CELSR1: variants seen among roughly 807,000 people sequenced by gnomAD.
The protein encoded by CELSR1 is adhesion G protein-coupled receptor C1.
A neutral mutation model predicts 249.1 loss-of-function variants in CELSR1; 110 were observed. The ratio of observed to expected loss-of-function variants is 0.44; its 90% confidence interval spans 0.38 to 0.52. The LOEUF is 0.52. CELSR1 is among the 20% of genes least tolerant of loss of function. The pLI is 0.00. For synonymous variants in CELSR1, 2,113 were observed against 1,900.0 expected, an observed-to-expected ratio of 1.11 and a Z score of -2.92; for missense variants, 4,109 against 4,296.4, an observed-to-expected ratio of 0.96 and a Z score of 1.22.
intron 1 of CELSR1, among the ~76,000 whole-genome samples, chr22:46,497,668 T>A (rs2080426114): frequency 6.6e-6 from 1 of 152,184 alleles, no homozygotes; most frequent in African/African-American, 2.4e-5. Flanking sequence ...CTACAAAGAC[T>A]TTTTTTCCAA....
At chr22:46,438,768 G>T (rs1308632766) in intron 3 of CELSR1, among the ~76,000 whole-genome samples, 5 of 151,770 alleles carry the variant, frequency 3.3e-5, no homozygotes, top group African/African-American at 4.8e-5. Flanking sequence ...AGCTTTTGTG[G>T]TTTTTTTTGA....
chr22:46,423,931 G>A lies in CELSR1; in HGVS notation c.4611+9462C>T, dbSNP rs532943150. 6.6e-5 allele frequency among the ~76,000 whole-genome samples: 10 copies of A among 152,070 alleles called. No individual in the cohort carries two copies. Among genetic ancestry groups the A allele is most frequent in the Non-Finnish European group, 1.2e-4 (8 of 68,022 alleles). ...GCGGAGGTTGCAGTGAGCCGAGATT[G>A]TGCCAGCCTGGGTGACAGAGTGAGA... On this transcript the variant is annotated intron_variant, in intron 5 of 34. Transcript: ENST00000674500. This position sits in a 1 kb window ranked among gnomAD's most constrained non-coding sequence, Gnocchi z 5.6.
At chr22:46,424,229 G>C (rs1343915698) in intron 5 of CELSR1, among the ~76,000 whole-genome samples, 1 of 95,326 alleles carries the variant, frequency 1.0e-5, no homozygotes, top group African/African-American at 3.0e-5. Flanking sequence ...CCACACACCC[G>C]GCTAATTTTT....
intron 19 of CELSR1, among the ~76,000 whole-genome samples, chr22:46,385,089 G>A (rs9615356): frequency 0.075 from 11,347 of 151,898 alleles, 470 homozygotes; most frequent in Non-Finnish European, 0.092. Flanking sequence ...ACCACGCCCA[G>A]CCTATTTACT....
intron 5 of CELSR1, among the ~76,000 whole-genome samples, chr22:46,422,963 ACGTCTGGCCTCTGCAATGCCACCT>A (rs2079494957): frequency 6.6e-6 from 1 of 152,194 alleles, no homozygotes; most frequent in African/African-American, 2.4e-5. Context: ...CCTGCACTGT[ACGTCTGGCCTCTGCAATGCCACCT>A]CCTGGCTCTT....
Position 46,409,660 on chromosome 22 carries a change from G to A in CELSR1, c.5059+95C>T. The A allele has an allele frequency of 2.0e-6, 3 of 1,475,328 alleles. No homozygotes were observed. The highest frequency in any genetic ancestry group is 2.8e-6 in the Non-Finnish European group (3 of 1,072,568). 91.4% of individuals were successfully genotyped at this position (1,475,328 alleles called of 1,614,324 possible). Reference sequence around the variant, plus strand: ...ATACCACCAGAGGCTGCCGGACCTGGATGTGAAGCCCCCTCACGGTGGTCC... The same window carrying A: ...ATACCACCAGAGGCTGCCGGACCTGAATGTGAAGCCCCCTCACGGTGGTCC... On this transcript the variant is annotated intron_variant, in intron 8 of 34. Transcript: ENST00000674500. The surrounding 1 kb of genome is among the most constrained non-coding windows in gnomAD (Gnocchi z 9.8).
chr22:46,386,927 T>C (rs557870776), intron 18 of CELSR1, among the ~76,000 whole-genome samples: 7 of 152,104 alleles, frequency 4.6e-5, no homozygotes, highest in Non-Finnish European at 5.9e-5. Context: ...CCGGCTAATT[T>C]TTGTATTTTT....
intron 25 of CELSR1, among the ~76,000 whole-genome samples, chr22:46,372,176 T>TC (rs2078859671): frequency 7.9e-6 from 1 of 126,412 alleles, no homozygotes; most frequent in African/African-American, 3.1e-5. Flanking sequence ...CACTCACCCC[T>TC]CACCCATCCA....
rs184502960 is a variant in CELSR1 at position 46,411,028 on chromosome 22, G to T, written c.4770-467C>A. 1.6e-4 allele frequency among the ~76,000 whole-genome samples: 25 copies of T among 152,162 alleles called. No homozygotes were observed. The highest frequency in any genetic ancestry group is 6.0e-4 in the African/African-American group (25 of 41,524). ...CGAGACCATCCTGGCCAACAGGATG[G>T]TGTCTACTAAAAATACAAAAATTAG... On this transcript the variant is annotated intron_variant, in intron 6 of 34. Transcript: ENST00000674500. The surrounding 1 kb of genome is among the most constrained non-coding windows in gnomAD (Gnocchi z 4.2).
rs1031460024 is a variant in CELSR1, at chr22:46,395,672, C to G, written c.5843+933G>C. 2.0e-5 allele frequency among the ~76,000 whole-genome samples: 3 copies of G among 152,170 alleles called. No individual in the cohort carries two copies. The highest frequency in any genetic ancestry group is 7.2e-5 in the African/African-American group (3 of 41,444). On this transcript the variant is annotated intron_variant, in intron 13 of 34. Transcript: ENST00000674500. The surrounding 1 kb of genome is among the most constrained non-coding windows in gnomAD (Gnocchi z 5.5). ...GGGATCACAGCACCTGCTCTAGGCT[C>G]GGGAGGACAAAGAACGGAGCATAGC...
In CELSR1 at chr22:46,391,496, T is replaced by C. The variant is rs183546190; in HGVS notation, c.6148+137A>G. 634 of 1,115,148 alleles carry C rather than the reference T, an allele frequency of 5.7e-4. No homozygotes were observed. Among genetic ancestry groups the C allele is most frequent in the Non-Finnish European group, 6.5e-4 (521 of 807,040 alleles). 69.1% of individuals were successfully genotyped at this position (1,115,148 alleles called of 1,614,324 possible). ...ACCCCCTCACGCAGAACCAGGTTTC[T>C]AGAAGGTCAAGAGAACTCAGAACAC... On this transcript the variant is annotated intron_variant, in intron 15 of 34. Transcript: ENST00000674500. This position sits in a 1 kb window ranked among gnomAD's most constrained non-coding sequence, Gnocchi z 4.3.
At chr22:46,405,610 CTGAGAG>C (rs2079257791) in intron 9 of CELSR1, among the ~76,000 whole-genome samples, 1 of 152,130 alleles carries the variant, frequency 6.6e-6, no homozygotes, top group South Asian at 2.1e-4. Flanking sequence ...TGGGAGGTAA[CTGAGAG>C]TGTGTCCCCA....
At position 46,362,896 on chromosome 22, in the gene CELSR1, G is replaced by A. The variant is rs2078721290; in HGVS notation, c.*327C>T. On this transcript the variant is annotated 3_prime_UTR_variant, in exon 35 of 35. Coordinates refer to ENST00000674500, the MANE Select transcript of CELSR1 (RefSeq NM_001378328.1). The stretch of plus-strand genomic sequence containing the variant: ...GGCCAGCCTCTGGGCCCAGTCTGGG[G>A]TCCCCTCTCAGTTCTGGCTTTGACT... 4.2e-6 allele frequency: 2 copies of A among 470,714 alleles called. No individual in the cohort carries two copies. Among genetic ancestry groups the A allele is most frequent in the African/African-American group, 3.9e-5 (2 of 51,540 alleles). 29.2% of individuals were successfully genotyped at this position (470,714 alleles called of 1,614,324 possible).
intron 1 of CELSR1, among the ~76,000 whole-genome samples, chr22:46,503,410 T>G (rs2147741068): frequency 6.6e-6 from 1 of 152,228 alleles, no homozygotes; most frequent in South Asian, 2.1e-4. Flanking sequence ...TGATCTCCCC[T>G]CCCTGCCATC....
At chr22:46,416,102 C>CGCGGG (rs1230223357) in intron 5 of CELSR1, among the ~76,000 whole-genome samples, 1 of 122,298 alleles carries the variant, frequency 8.2e-6, no homozygotes, top group African/African-American at 3.3e-5. Context: ...GTACAGGTTG[C>CGCGGG]AGAGGGGGGC....
rs1478598550 is a variant in CELSR1 at position 46,536,864 on chromosome 22, G to T, written c.307C>A (p.Arg103Ser). 2.4e-6 allele frequency: 3 copies of T among 1,230,914 alleles called. No homozygotes were observed. The highest frequency in any genetic ancestry group is 3.1e-6 in the Non-Finnish European group (3 of 982,252). The allele number at this position is 1,230,914 out of a possible 1,614,324, so 76.2% of individuals were successfully genotyped here. A position where few individuals can be genotyped will look rare whatever the true frequency, so the allele number is the denominator to read the frequency against. Residue 103 changes from arginine (R) to serine (S), a missense_variant, in exon 1 of 35, where the codon CGC (arginine) becomes AGC (serine). Transcript: ENST00000674500. ...AGGTGCGTGCGCGCCCGCAGGCGGCGGCTCAGCGCCGTCGGGGCACTGCGG... is the reference window on the plus strand; with the variant it reads ...AGGTGCGTGCGCGCCCGCAGGCGGCTGCTCAGCGCCGTCGGGGCACTGCGG... ...VARSAPTALS[R>S]RLRARTHLPG...
At chr22:46,494,848 T>C (rs944330108) in intron 1 of CELSR1, among the ~76,000 whole-genome samples, 2 of 152,238 alleles carry the variant, frequency 1.3e-5, no homozygotes, top group Non-Finnish European at 2.9e-5. Flanking sequence ...TCTGCCCATC[T>C]TTCATTACAT....
At position 46,471,660 on chromosome 22, in the gene CELSR1, T is replaced by C. The variant is rs1364185521; in HGVS notation, c.3545-7315A>G. On this transcript the variant is annotated intron_variant, in intron 1 of 34. Coordinates refer to ENST00000674500, the MANE Select transcript of CELSR1 (RefSeq NM_001378328.1). This position sits in a 1 kb window ranked among gnomAD's most constrained non-coding sequence, Gnocchi z 4.9. ...ATCCTCCCACCTCAGCCTCCCAAAGTGCTGGGATTCACGGGTGTGAGCCGC... is the reference window on the plus strand; with the variant it reads ...ATCCTCCCACCTCAGCCTCCCAAAGCGCTGGGATTCACGGGTGTGAGCCGC... Among the ~76,000 whole-genome samples the C allele has an allele frequency of 6.6e-6, 1 of 152,164 alleles. No individual in the cohort carries two copies. The highest frequency in any genetic ancestry group is 1.5e-5 in the Non-Finnish European group (1 of 68,020).
chr22:46,421,924 A>T (rs2079477891), intron 5 of CELSR1, among the ~76,000 whole-genome samples: 1 of 152,158 alleles, frequency 6.6e-6, no homozygotes, highest in Non-Finnish European at 1.5e-5. Context: ...CTCCTCTTAA[A>T]CACGGAACTT....
Sources: allele counts gnomAD v4.1 joint callset (sites outside exome capture counted in the v4.1 genomes callset), GRCh38; gene constraint gnomAD v4.1.1; non-coding constraint Gnocchi (gnomAD v3.1); transcripts MANE v1.5; gene names NCBI Gene and HGNC (gene_info 2026-07-23, HGNC 2026-07-21).